The following AP3B1 variants were observed in gnomAD, a reference collection of about 807,000 sequenced individuals.
AP3B1 encodes adaptor related protein complex 3 subunit beta 1.
In AP3B1, 61 loss-of-function variants were observed where a neutral mutation model predicts 132.5. The ratio of observed to expected loss-of-function variants is 0.46; its 90% CI spans 0.37 to 0.57. The LOEUF (loss-of-function observed/expected upper bound fraction) is 0.57, where lower values mean the gene tolerates loss of function less well. AP3B1 is among the 20% of genes least tolerant of loss of function. AP3B1 has a pLI of 0.00. For missense variants in AP3B1, 1,120 were observed against 1,289.4 expected (o/e 0.87, Z 2.01); for synonymous variants, 388 against 438.3 (o/e 0.89, Z 1.43).
chr5:78,178,482 C>T (rs1023884566), intron 8 of AP3B1, among the ~76,000 whole-genome samples: 2 of 151,974 alleles, frequency 1.3e-5, no homozygotes, highest in African/African-American at 2.4e-5. Context: ...TTAGGTTAAG[C>T]GTGGTGGTGC....
At position 78,002,816 on chromosome 5, in the gene AP3B1, G is replaced by A. The variant is rs1329847042; in HGVS notation, c.*86C>T. ...TTCTACCCCCACTGCCAGATGGAAG[G>A]GCTATTATTATAAATGAAAGGCAGC... On this transcript the variant is annotated 3_prime_UTR_variant, in exon 27 of 27. Coordinates refer to ENST00000255194, the MANE Select transcript of AP3B1 (RefSeq NM_003664.5). 3 of 1,458,504 alleles carry A rather than the reference G, an allele frequency of 2.1e-6. No homozygotes were observed. The African/African-American group carries it at 4.2e-5, about 20-fold the overall frequency. 90.3% of individuals were successfully genotyped at this position (1,458,504 alleles called of 1,614,324 possible). A position where few individuals can be genotyped will look rare whatever the true frequency, so the allele number is the denominator to read the frequency against.
intron 2 of AP3B1, among the ~76,000 whole-genome samples, chr5:78,254,374 A>C (rs1053052257): frequency 3.3e-5 from 5 of 152,192 alleles, no homozygotes; most frequent in African/African-American, 1.2e-4. Context: ...ATAGAACATC[A>C]AGCAGATTTA....
At chr5:78,025,335 A>T (rs1206362753) in intron 24 of AP3B1, among the ~76,000 whole-genome samples, 1 of 152,210 alleles carries the variant, frequency 6.6e-6, no homozygotes. Context: ...AAGAGGCAGG[A>T]GATCTGCCTT....
intron 7 of AP3B1, among the ~76,000 whole-genome samples, chr5:78,200,088 G>T (rs1745229354): frequency 6.6e-6 from 1 of 152,002 alleles, no homozygotes. Flanking sequence ...ACGGGGAAGG[G>T]AACATGCTTA....
At chr5:78,076,800 AATAGTCCATGCAT>A (rs1398252938) in intron 22 of AP3B1, among the ~76,000 whole-genome samples, 3 of 152,322 alleles carry the variant, frequency 2.0e-5, no homozygotes. Flanking sequence ...CCTGGCTGGC[AATAGTCCATGCAT>A]ATTGCCAGAT....
chr5:78,260,546 A>T (rs901271687), intron 2 of AP3B1, among the ~76,000 whole-genome samples: 1 of 152,060 alleles, frequency 6.6e-6, no homozygotes, highest in Non-Finnish European at 1.5e-5. Context: ...GTGAGCTGAG[A>T]TCACACCACT....
At chr5:78,156,388 T>C in intron 13 of AP3B1, 21 bp from the exon 14 acceptor site, 1 of 1,466,062 alleles carries the variant, frequency 6.8e-7, no homozygotes, top group Non-Finnish European at 9.6e-7. Context: ...TAGAAATTAT[T>C]CATACTAAAT....
At position 78,216,194 on chromosome 5, in the gene AP3B1, G is replaced by A. The variant is rs762212366; in HGVS notation, c.647C>T (p.Pro216Leu). 3 of 1,613,858 alleles carry A rather than the reference G, an allele frequency of 1.9e-6. No homozygotes were observed. Among genetic ancestry groups the A allele is most frequent in the Non-Finnish European group, 1.7e-6 (2 of 1,179,916 alleles). ...TTTATGAATCAGATCTATTCTGTCC[G>A]GGCATACTTCTTCAAAAGCCATCAC... The part of the protein sequence containing the change: ...SVVMAFEEVC[P>L]DRIDLIHKNY... Residue 216 changes from proline (P) to leucine (L), a missense_variant, in exon 7 of 27, where the codon CCG becomes CTG. Physicochemically the swap from Pro to Leu is moderately conservative, Grantham distance 98. This residue lies in a region of AP3B1 where 129 missense variants were observed against 212.4 expected (regional missense o/e 0.61). Coordinates refer to ENST00000255194, the MANE Select transcript of AP3B1 (RefSeq NM_003664.5).
At chr5:78,034,839 G>A (rs1281074871) in intron 23 of AP3B1, among the ~76,000 whole-genome samples, 2 of 151,676 alleles carry the variant, frequency 1.3e-5, no homozygotes, top group Non-Finnish European at 3.0e-5. Flanking sequence ...TAAAACTATG[G>A]CATGTTTATT....
At chr5:78,202,243 T>G (rs1192600582) in intron 7 of AP3B1, among the ~76,000 whole-genome samples, 1 of 152,164 alleles carries the variant, frequency 6.6e-6, no homozygotes, top group African/African-American at 2.4e-5. Flanking sequence ...CCAATAAACC[T>G]TTTTCTTTTG....
intron 11 of AP3B1, among the ~76,000 whole-genome samples, chr5:78,172,906 A>C (rs552374208): frequency 6.6e-6 from 1 of 152,306 alleles, no homozygotes; most frequent in African/African-American, 2.4e-5. Flanking sequence ...TTAGTGCTAT[A>C]AATTTCCCTC....
chr5:78,007,234 A>G (rs903023932), intron 26 of AP3B1, among the ~76,000 whole-genome samples: 1 of 152,232 alleles, frequency 6.6e-6, no homozygotes, highest in Non-Finnish European at 1.5e-5. Context: ...AGGCTGCGTC[A>G]GTCTCCAGGG....
At position 78,128,022 on chromosome 5, in the gene AP3B1, C is replaced by T. The variant is rs1752533777; in HGVS notation, c.1968+8G>A. ...TTGGCAAAATTAATTTCAGAAAGGT[C>T]AACTTACCAACTCTATTACTTCTAC... On this transcript the variant is annotated splice_region_variant and intron_variant, in intron 17 of 26. Coordinates refer to ENST00000255194, the MANE Select transcript of AP3B1 (RefSeq NM_003664.5). 6.2e-7 allele frequency: 1 copy of T among 1,611,986 alleles called. No individual in the cohort carries two copies. The highest frequency in any genetic ancestry group is 8.5e-7 in the Non-Finnish European group (1 of 1,178,558).
Position 78,141,306 on chromosome 5 carries a change from C to T in AP3B1, c.1487G>A (p.Arg496Lys). 6.2e-7 allele frequency: 1 copy of T among 1,613,338 alleles called. No individual in the cohort carries two copies. The highest frequency in any genetic ancestry group is 8.5e-7 in the Non-Finnish European group (1 of 1,179,536). The change falls in exon 15 of 27, where the codon AGA becomes AAA. Residue 496 changes from arginine to lysine, a missense_variant. Coordinates refer to ENST00000255194, the MANE Select transcript of AP3B1 (RefSeq NM_003664.5). Reference sequence around the variant, plus strand: ...TCCAATTAGCCAAAGAATACTTGCTCTAGCAACAGGAACCTAATATGAGAA... The same window carrying T: ...TCCAATTAGCCAAAGAATACTTGCTTTAGCAACAGGAACCTAATATGAGAA... ...LLDSITVPVA[R>K]ASILWLIGEN...
chr5:78,098,004 C>T (rs1016932561), intron 21 of AP3B1, among the ~76,000 whole-genome samples: 1 of 152,146 alleles, frequency 6.6e-6, no homozygotes, highest in East Asian at 1.9e-4. Flanking sequence ...CTCTCTGAAA[C>T]ATGTGCTGTG....
At chr5:78,013,609 C>A (rs1187047442) in intron 26 of AP3B1, among the ~76,000 whole-genome samples, 1 of 151,782 alleles carries the variant, frequency 6.6e-6, no homozygotes, top group East Asian at 1.9e-4. Context: ...TTCCAAGGAC[C>A]CATAAATAAA....
At chr5:78,174,620 T>C (rs1046134186) in intron 11 of AP3B1, among the ~76,000 whole-genome samples, 1 of 152,286 alleles carries the variant, frequency 6.6e-6, no homozygotes, top group Admixed American at 6.5e-5. Flanking sequence ...GGCAACCACC[T>C]ATATGAGGTG....
intron 22 of AP3B1, among the ~76,000 whole-genome samples, chr5:78,047,585 G>A (rs914092088): frequency 1.3e-5 from 2 of 152,062 alleles, no homozygotes; most frequent in Non-Finnish European, 2.9e-5. Context: ...TAAGTTCCTT[G>A]TAGATTCTGG....
chr5:78,162,865 A>C lies in AP3B1; in HGVS notation c.1317T>G (p.Thr439=), dbSNP rs75248449. 5.5e-3 allele frequency: 8,868 copies of C among 1,614,064 alleles called. 32 individuals are homozygous for C. Among genetic ancestry groups the C allele is most frequent in the Admixed American group, 7.0e-3 (422 of 60,034 alleles). ...AGACCAAGCCATTGAGGCACGTGTC[A>C]GTGACTTCCAAGATGTTGGTTGCAC... ...GRCATNILEV[T]DTCLNGLVCL... The change falls in exon 13 of 27, where the codon ACT becomes ACG. Residue 439 remains threonine (T), a synonymous_variant. Transcript: ENST00000255194.
Sources: gnomAD v4.1 joint callset for allele counts (sites outside exome capture counted in the v4.1 genomes callset) on GRCh38, gnomAD v4.1.1 for gene constraint, gnomAD v4.1.1 regional missense constraint, MANE v1.5 for transcripts, NCBI Gene and HGNC (gene_info 2026-07-23, HGNC 2026-07-21) for gene names.